ASXL2: variants seen among roughly 807,000 people sequenced by gnomAD.
ASXL2 encodes the protein ASXL transcriptional regulator 2, also known as putative Polycomb group protein ASXL2.
Under a neutral mutation model 122.0 loss-of-function variants are expected in ASXL2, and 23 were observed. The ratio of observed to expected loss-of-function variants is 0.19; its 90% confidence interval spans 0.14 to 0.27. The LOEUF is 0.27. Among genes scored for constraint, ASXL2 ranks in the 10% least tolerant of loss-of-function variants. The pLI is 1.00. For synonymous variants in ASXL2, 650 were observed against 637.0 expected (o/e 1.02, Z -0.31); for missense variants, 1,518 against 1,713.8 (o/e 0.89, Z 2.02).
chr2:25,835,468 T>C (rs2089499121), intron 3 of ASXL2, 70 bp downstream of exon 3: 1 of 219,892 alleles, frequency 4.5e-6, no homozygotes, highest in Non-Finnish European at 9.8e-6. Context: ...AAAGGTAAGT[T>C]CAATTAAATT....
At chr2:25,778,258 G>A (rs751863300) in intron 5 of ASXL2, among the ~76,000 whole-genome samples, 5 of 152,182 alleles carry the variant, frequency 3.3e-5, no homozygotes, top group Non-Finnish European at 5.9e-5. Flanking sequence ...GGATCCTAAA[G>A]CCAAAGACAA....
chr2:25,871,523 G>C (rs1249064247), intron 1 of ASXL2, among the ~76,000 whole-genome samples: 1 of 152,162 alleles, frequency 6.6e-6, no homozygotes, highest in African/African-American at 2.4e-5. Context: ...CAAACTAGGA[G>C]GCTTGTGGGC....
chr2:25,864,436 T>C (rs1159929683), intron 1 of ASXL2, among the ~76,000 whole-genome samples: 4 of 152,020 alleles, frequency 2.6e-5, no homozygotes, highest in Non-Finnish European at 5.9e-5. Context: ...GAATTGGAAA[T>C]GGAAATGAGA....
In ASXL2 at chr2:25,792,175, AT is replaced by A. The variant is rs557926432; in HGVS notation, c.403+7209del. Among the ~76,000 whole-genome samples the A allele has an allele frequency of 1.6e-4, 25 of 152,216 alleles. No individual in the cohort carries two copies. The South Asian group carries it at 4.4e-3, about 27-fold the overall frequency. On this transcript the variant is annotated intron_variant, in intron 5 of 12. Coordinates refer to ENST00000435504, the MANE Select transcript of ASXL2 (RefSeq NM_018263.6). ...CCACATTCGGCTAATTTTACTTTTTATTTTTTGTAGAGACAGGAGTCTCACT... is the reference window on the plus strand; with the variant it reads ...CCACATTCGGCTAATTTTACTTTTTATTTTTGTAGAGACAGGAGTCTCACT...
Position 25,738,539 on chromosome 2 carries a change from C to A in ASXL2, c.*3490G>T, listed in dbSNP as rs961498271. ...ACCTCTAGGTCAAAGAGAAAACACT[C>A]TGGCACTGCTCACTGATAGTGAGTT... On this transcript the variant is annotated 3_prime_UTR_variant, in exon 13 of 13. Transcript: ENST00000435504. 3 of 152,162 alleles carry A rather than the reference C, an allele frequency of 2.0e-5. No individual in the cohort carries two copies. Among genetic ancestry groups the A allele is most frequent in the Non-Finnish European group, 4.4e-5 (3 of 68,036 alleles). 9.4% of individuals were successfully genotyped at this position (152,162 alleles called of 1,614,324 possible). A position where few individuals can be genotyped will look rare whatever the true frequency, so the allele number is the denominator to read the frequency against.
At position 25,750,137 on chromosome 2, in the gene ASXL2, C is replaced by T. The variant is rs1325837011; in HGVS notation, c.1419G>A (p.Glu473=). ...ACTTGATGGGAAGAATGCTGCTAAG[C>T]TCATGTGTATTGAGAGCTGAGGAAA... ...PLLSSALNTH[E]LSSILPIKCP... is the part of the protein sequence containing the mutation. The change falls in exon 12 of 13, where the codon GAG becomes GAA. Residue 473 remains glutamate, a synonymous_variant. Coordinates refer to ENST00000435504, the MANE Select transcript of ASXL2 (RefSeq NM_018263.6). 1 of 1,613,974 alleles carries T rather than the reference C, an allele frequency of 6.2e-7. No individual in the cohort carries two copies. Among genetic ancestry groups the T allele is most frequent in the East Asian group, 2.2e-5 (1 of 44,892 alleles).
intron 3 of ASXL2, chr2:25,810,219 G>A (rs2089146944): frequency 1.7e-6 from 1 of 601,392 alleles, no homozygotes; most frequent in East Asian, 4.1e-5. Context: ...ATGGGACACT[G>A]CCAGCTCAGC....
At chr2:25,835,043 C>T (rs534899766) in intron 3 of ASXL2, among the ~76,000 whole-genome samples, 2 of 152,008 alleles carry the variant, frequency 1.3e-5, no homozygotes, top group African/African-American at 2.4e-5. Context: ...AGGCTAGTCT[C>T]GAACTCCTGA....
chr2:25,873,388 C>T (rs909141725), intron 1 of ASXL2, among the ~76,000 whole-genome samples: 2 of 152,110 alleles, frequency 1.3e-5, no homozygotes, highest in African/African-American at 4.8e-5. Context: ...TCCAGACTGA[C>T]GACAGAGTGA....
intron 2 of ASXL2, among the ~76,000 whole-genome samples, chr2:25,842,112 CAAAAAAAA>C (rs1358415847): frequency 9.7e-6 from 1 of 102,610 alleles, no homozygotes; most frequent in Non-Finnish European, 2.0e-5. Context: ...AACTCTGTCT[CAAAAAAAA>C]AAGAAAAAAA....
Position 25,741,590 on chromosome 2 carries a change from T to A in ASXL2, c.*439A>T, listed in dbSNP as rs973778675. 6.2e-5 allele frequency: 15 copies of A among 240,384 alleles called. No homozygotes were observed. The highest frequency in any genetic ancestry group is 8.2e-6 in the Non-Finnish European group (1 of 121,390). 14.9% of individuals were successfully genotyped at this position (240,384 alleles called of 1,614,324 possible). On this transcript the variant is annotated 3_prime_UTR_variant, in exon 13 of 13. Coordinates refer to ENST00000435504, the MANE Select transcript of ASXL2 (RefSeq NM_018263.6). ...GACAAAATCAGTGTGAATGGTCATT[T>A]CTTTAGACCATTCCTTCACTTTCCT... is the stretch of plus-strand genomic sequence containing the variant.
chr2:25,842,719 G>C (rs1171513097), intron 2 of ASXL2, among the ~76,000 whole-genome samples: 1 of 150,668 alleles, frequency 6.6e-6, no homozygotes, highest in Non-Finnish European at 1.5e-5. Context: ...TAGATAGATA[G>C]ATAGATGTAT....
chr2:25,746,796 T>C (rs1325525589), intron 12 of ASXL2, among the ~76,000 whole-genome samples: 1 of 152,178 alleles, frequency 6.6e-6, no homozygotes, highest in Non-Finnish European at 1.5e-5. Context: ...ATATTTCTTT[T>C]TAAGTACAAA....
intron 3 of ASXL2, chr2:25,822,419 G>A (rs1386316430): frequency 2.6e-5 from 8 of 313,082 alleles, no homozygotes; most frequent in African/African-American, 6.7e-5. Context: ...AGCAGCAGTC[G>A]ACGCCAGAGG....
In ASXL2 at chr2:25,744,507, G is replaced by C; in HGVS notation, c.1861-31C>G. 46 of 1,557,646 alleles carry C rather than the reference G, an allele frequency of 3.0e-5. No homozygotes were observed. The highest frequency in any genetic ancestry group is 3.9e-5 in the Non-Finnish European group (45 of 1,162,662). On this transcript the variant is annotated intron_variant, in intron 12 of 12. Transcript: ENST00000435504. The surrounding 1 kb of genome is among the most constrained non-coding windows in gnomAD (Gnocchi z 4.7). Reference sequence around the variant, plus strand: ...AGAAGTAGAGGGGAAAAAAACAACAGAGCTTAGTTTTCATTTGTAAGAATA... The same window carrying C: ...AGAAGTAGAGGGGAAAAAAACAACACAGCTTAGTTTTCATTTGTAAGAATA...
intron 4 of ASXL2, among the ~76,000 whole-genome samples, chr2:25,802,777 G>A (rs912505468): frequency 6.6e-6 from 1 of 152,164 alleles, no homozygotes; most frequent in Non-Finnish European, 1.5e-5. Flanking sequence ...AATTTAATCA[G>A]TCATATGTGC....
intron 1 of ASXL2, chr2:25,856,672 C>T (rs1042790016): frequency 7.8e-7 from 1 of 1,274,410 alleles, no homozygotes; most frequent in African/African-American, 1.5e-5. Flanking sequence ...ACCATCAACC[C>T]TCAGCCGTTA....
intron 4 of ASXL2, among the ~76,000 whole-genome samples, chr2:25,800,344 G>T (rs2088976719): frequency 6.6e-6 from 1 of 152,100 alleles, no homozygotes; most frequent in African/African-American, 2.4e-5. Context: ...ATGTCCATGT[G>T]TGTATGTAAG....
chr2:25,749,746 A>G lies in ASXL2; in HGVS notation c.1810T>C (p.Phe604Leu). 1 of 1,561,592 alleles carries G rather than the reference A, an allele frequency of 6.4e-7. No homozygotes were observed. The highest frequency in any genetic ancestry group is 8.6e-7 in the Non-Finnish European group (1 of 1,160,834). The change falls in exon 12 of 13, where the codon TTT (phenylalanine) becomes CTT (leucine). Residue 604 changes from phenylalanine (F) to leucine (L), a missense_variant. By Grantham distance (22) the Phe-to-Leu change is conservative (BLOSUM62 0). Around this residue, in one of 8 missense-constraint regions of ASXL2, gnomAD observed 292 missense variants for 293.5 expected, o/e 1.00. Coordinates refer to ENST00000435504, the MANE Select transcript of ASXL2 (RefSeq NM_018263.6). ...QQPFQVSPQP[F>L]LNRGDRIQVR... The stretch of plus-strand genomic sequence containing the variant: ...TGGATTCTGTCCCCTCTATTGAGAA[A>G]GGGCTGTGGTGAGACCTGAAATGGC...
Sources: gnomAD v4.1 joint callset for allele counts (sites outside exome capture counted in the v4.1 genomes callset) on GRCh38, gnomAD v4.1.1 for gene constraint, gnomAD v4.1.1 regional missense constraint, Gnocchi (gnomAD v3.1) non-coding constraint, MANE v1.5 for transcripts, NCBI Gene and HGNC (gene_info 2026-07-23, HGNC 2026-07-21) for gene names.